The following DENND4A variants were observed in gnomAD, a reference collection of about 807,000 sequenced individuals.
DENND4A encodes DENN domain containing 4A.
In DENND4A, 70 loss-of-function variants were observed where a neutral mutation model predicts 199.3. The observed-to-expected ratio is 0.35, with a 90% CI of 0.29 to 0.43. The LOEUF is 0.43. Ranked by LOEUF, DENND4A falls within the 20% of genes least tolerant of loss-of-function variation. DENND4A has a pLI of 1.00. For missense variants in DENND4A, 1,723 were observed against 2,255.8 expected, an observed-to-expected ratio of 0.76 and a Z score of 4.78; for synonymous variants, 686 against 766.9, an observed-to-expected ratio of 0.89 and a Z score of 1.74.
intron 23 of DENND4A, among the ~76,000 whole-genome samples, chr15:65,685,335 C>G (rs1195259440): frequency 6.6e-6 from 1 of 152,154 alleles, no homozygotes; most frequent in Non-Finnish European, 1.5e-5. Flanking sequence ...ACTGTGTTAG[C>G]CAGGATGGTC....
Position 65,661,808 on chromosome 15 carries a change from G to C in DENND4A, c.*43C>G, listed in dbSNP as rs560240840. 6.6e-7 allele frequency: 1 copy of C among 1,510,562 alleles called. No homozygotes were observed. The highest frequency in any genetic ancestry group is 1.4e-5 in the African/African-American group (1 of 71,962). The allele number at this position is 1,510,562 out of a possible 1,614,324, so 93.6% of individuals were successfully genotyped here. ...GTCTAAAAGTGTTATTTTATACACT[G>C]ACTATACAATATACATTGAATGTTT... On this transcript the variant is annotated 3_prime_UTR_variant, in exon 33 of 33. Coordinates refer to ENST00000443035, the MANE Select transcript of DENND4A (RefSeq NM_001320835.1).
intron 22 of DENND4A, among the ~76,000 whole-genome samples, chr15:65,695,655 T>A (rs1393055818): frequency 6.6e-6 from 1 of 152,146 alleles, no homozygotes; most frequent in African/African-American, 2.4e-5. Context: ...CATGCAAAAG[T>A]AAGCTAATAC....
chr15:65,663,027 C>T lies in DENND4A; in HGVS notation c.5588-1040G>A, dbSNP rs2075904298. Among the ~76,000 whole-genome samples, 3 of 152,076 alleles carry T rather than the reference C, an allele frequency of 2.0e-5. No individual in the cohort carries two copies. In the South Asian group the frequency reaches 6.2e-4, roughly 32 times the overall value. On this transcript the variant is annotated intron_variant, in intron 32 of 32. Coordinates refer to ENST00000443035, the MANE Select transcript of DENND4A (RefSeq NM_001320835.1). ...ATCCTTTTTGGTATCCTCTGTTTCA[C>T]CATAGTTAAAAGGCCTAGCTCAAAT...
In DENND4A at chr15:65,729,218, C is replaced by T. The variant is rs1204078010; in HGVS notation, c.1341G>A (p.Pro447=). The T allele has an allele frequency of 1.9e-6, 3 of 1,583,272 alleles. No individual in the cohort carries two copies. The highest frequency in any genetic ancestry group is 1.7e-6 in the Non-Finnish European group (2 of 1,163,860). Residue 447 remains proline, a synonymous_variant, in exon 11 of 33, where the codon CCG becomes CCA. Transcript: ENST00000443035. ...AAGCCAGTGGGCAGAGAGGAACATACGGGCATGGCCAGTGGAAAGGGAAAA... is the reference window on the plus strand; with the variant it reads ...AAGCCAGTGGGCAGAGAGGAACATATGGGCATGGCCAGTGGAAAGGGAAAA... ...SMIFPFHWPC[P]YVPLCPLALA...
intron 4 of DENND4A, among the ~76,000 whole-genome samples, chr15:65,747,440 C>T (rs184499025): frequency 1.3e-5 from 2 of 152,280 alleles, no homozygotes; most frequent in East Asian, 1.9e-4. Context: ...AATCATGTAA[C>T]AGGCACAGAG....
At chr15:65,759,456 C>T (rs2076795844) in intron 2 of DENND4A, among the ~76,000 whole-genome samples, 2 of 151,444 alleles carry the variant, frequency 1.3e-5, no homozygotes, top group South Asian at 2.1e-4. Context: ...CCAGCCTGGG[C>T]GACCGAGCGA....
At chr15:65,790,372 T>C (rs1044950074) in intron 1 of DENND4A, among the ~76,000 whole-genome samples, 9 of 152,232 alleles carry the variant, frequency 5.9e-5, no homozygotes, top group Non-Finnish European at 1.0e-4. Flanking sequence ...CCAAAAGTTA[T>C]CTACATTTAT....
At chr15:65,688,896 T>C (rs1351290798) in intron 23 of DENND4A, among the ~76,000 whole-genome samples, 1 of 152,204 alleles carries the variant, frequency 6.6e-6, no homozygotes, top group Non-Finnish European at 1.5e-5. Flanking sequence ...GGTTTTTAAG[T>C]TGTAATCAGT....
intron 4 of DENND4A, 60 bp downstream of exon 4, chr15:65,752,319 A>ATTTTT: frequency 3.2e-6 from 1 of 316,206 alleles, no homozygotes; most frequent in Non-Finnish European, 5.6e-6. Context: ...AAAAAGATGT[A>ATTTTT]TTTAAAATTA....
intron 2 of DENND4A, 70 bp from the exon 3 acceptor site, chr15:65,756,542 A>G (rs1465547010): frequency 3.4e-6 from 4 of 1,185,852 alleles, no homozygotes. Flanking sequence ...TTGTGTGCAA[A>G]TAAGAACAAA....
chr15:65,779,081 T>A (rs1035911885), intron 1 of DENND4A, among the ~76,000 whole-genome samples: 4 of 151,856 alleles, frequency 2.6e-5, no homozygotes, highest in African/African-American at 9.7e-5. Context: ...CTGGGAAATA[T>A]GGCGAGACCA....
chr15:65,672,637 C>T (rs1393585808), intron 24 of DENND4A, among the ~76,000 whole-genome samples: 1 of 151,260 alleles, frequency 6.6e-6, no homozygotes, highest in African/African-American at 2.4e-5. Context: ...GATGGTTAAT[C>T]TTGCTGTTTG....
chr15:65,757,157 CA>C (rs2076725605), intron 2 of DENND4A, among the ~76,000 whole-genome samples: 1 of 151,544 alleles, frequency 6.6e-6, no homozygotes, highest in Admixed American at 6.6e-5. Context: ...CTGAAGAAAC[CA>C]AAAGTCAGAA....
At chr15:65,782,070 T>C (rs1404554177) in intron 1 of DENND4A, among the ~76,000 whole-genome samples, 5 of 152,226 alleles carry the variant, frequency 3.3e-5, no homozygotes, top group African/African-American at 1.2e-4. Context: ...GCCCTTGTCA[T>C]TGATACAGAC....
At chr15:65,705,014 C>T (rs2142229859) in intron 15 of DENND4A, among the ~76,000 whole-genome samples, 1 of 151,944 alleles carries the variant, frequency 6.6e-6, no homozygotes, top group Middle Eastern at 3.4e-3. Context: ...GCATAAAGTA[C>T]AAAAGAGATT....
intron 23 of DENND4A, among the ~76,000 whole-genome samples, chr15:65,677,168 AT>A (rs2076408097): frequency 1.3e-5 from 2 of 152,228 alleles, no homozygotes; most frequent in African/African-American, 4.8e-5. Context: ...ATTTTACTAC[AT>A]AAAAATGTTA....
chr15:65,748,206 A>T (rs2076463581), intron 4 of DENND4A, among the ~76,000 whole-genome samples: 1 of 152,076 alleles, frequency 6.6e-6, no homozygotes, highest in Non-Finnish European at 1.5e-5. Flanking sequence ...ACATAATGAT[A>T]ATAGGACACT....
At chr15:65,776,961 A>C (rs1056556654) in intron 1 of DENND4A, among the ~76,000 whole-genome samples, 1 of 152,246 alleles carries the variant, frequency 6.6e-6, no homozygotes, top group East Asian at 1.9e-4. Context: ...TGAGGCCAGG[A>C]GTTCGAGGCC....
At chr15:65,676,357 C>A in intron 24 of DENND4A, 88 bp downstream of exon 24, 1 of 1,151,182 alleles carries the variant, frequency 8.7e-7, no homozygotes. Flanking sequence ...TAAAAAACAA[C>A]ATTAAATCAT....
Sources: gnomAD v4.1 joint callset for allele counts (sites outside exome capture counted in the v4.1 genomes callset) on GRCh38, gnomAD v4.1.1 for gene constraint, MANE v1.5 for transcripts, NCBI Gene and HGNC (gene_info 2026-07-23, HGNC 2026-07-21) for gene names.